Variants in IVD observed in about 807,000 individuals in gnomAD.
IVD encodes isovaleryl-CoA dehydrogenase, mitochondrial.
In IVD, 31 loss-of-function variants were observed where a neutral mutation model predicts 51.3. That is an observed-to-expected ratio of 0.60 (90% CI 0.45 to 0.81). IVD has a LOEUF of 0.81. Ranked by LOEUF, IVD falls within the 40% of genes least tolerant of loss-of-function variation. The pLI is 0.00. For synonymous variants in IVD, 205 were observed against 219.4 expected, an observed-to-expected ratio of 0.93 and a Z score of 0.58; for missense variants, 475 against 552.0, an observed-to-expected ratio of 0.86 and a Z score of 1.40.
rs375709475 is a variant in IVD, at chr15:40,418,176, A to G, written c.1185A>G (p.Arg395=). ...ACTTTCCCATGGGCCGCTTTCTTCG[A>G]GATGCCAAGCTGTATGAGATAGGGG... ...INDFPMGRFL[R]DAKLYEIGAG... Residue 395 remains arginine (R), a synonymous_variant, in exon 12 of 12, where the codon CGA becomes CGG. Coordinates refer to ENST00000487418, the MANE Select transcript of IVD (RefSeq NM_002225.5). 5.6e-6 allele frequency: 9 copies of G among 1,614,048 alleles called. No homozygotes were observed. Among genetic ancestry groups the G allele is most frequent in the Non-Finnish European group, 7.6e-6 (9 of 1,180,040 alleles).
chr15:40,423,613 C>A (rs529056008), downstream of IVD, among the ~76,000 whole-genome samples: 32 of 152,266 alleles, frequency 2.1e-4, no homozygotes, highest in Non-Finnish European at 4.4e-4. Context: ...AGGTGCACAC[C>A]ACCATGCCCG....
chr15:40,421,566 C>A (rs1049445023), downstream of IVD, among the ~76,000 whole-genome samples: 4 of 152,142 alleles, frequency 2.6e-5, no homozygotes, highest in African/African-American at 9.7e-5. Flanking sequence ...CTGAGCACAC[C>A]CCTTATCAAA....
At chr15:40,415,348 C>A in intron 8 of IVD, 53 bp from the exon 9 acceptor site, 1 of 1,494,806 alleles carries the variant, frequency 6.7e-7, no homozygotes, top group Non-Finnish European at 9.3e-7. Context: ...TTTGCCACCA[C>A]ACCCGGTGGT....
intron 9 of IVD, 147 bp from the exon 10 acceptor site, chr15:40,415,931 C>T (rs1891620626): frequency 9.4e-6 from 7 of 747,362 alleles, no homozygotes; most frequent in African/African-American, 3.4e-5. Context: ...CACACCTGCC[C>T]CCATCTCCAT....
Position 40,418,400 on chromosome 15 carries a change from G to A in IVD, c.*137G>A. 6.4e-7 allele frequency: 1 copy of A among 1,572,806 alleles called. No homozygotes were observed. The highest frequency in any genetic ancestry group is 1.8e-5 in the Admixed American group (1 of 56,322). On this transcript the variant is annotated 3_prime_UTR_variant, in exon 12 of 12. Transcript: ENST00000487418. ...GTCAGCCCTCTGGCCTCTGGATGAG[G>A]TTGAGTTCTCCACAACAGCTCCCAA...
At position 40,435,452 on chromosome 15, in the gene IVD, G is replaced by T; in HGVS notation, c.817G>T (p.Glu273Ter). The change falls in exon 9 of 9, where the codon GAG becomes TAG. Residue 273 changes from glutamate (E) to a stop codon, truncating the protein, a stop_gained. Coordinates refer to the IVD transcript ENST00000473112. LOFTEE classifies it low-confidence loss of function (END_TRUNC). The stretch of plus-strand genomic sequence containing the variant: ...TTCCGCCCAACACCCACCTGGGAGG[G>T]AGGGCGAGACCCGAGGTCAGACGTC... The T allele has an allele frequency of 8.1e-7, 1 of 1,239,220 alleles. No individual in the cohort carries two copies. Among genetic ancestry groups the T allele is most frequent in the Non-Finnish European group, 1.0e-6 (1 of 957,702 alleles). The allele number at this position is 1,239,220 out of a possible 1,614,324, so 76.8% of individuals were successfully genotyped here.
chr15:40,421,011 T>C lies in IVD; in HGVS notation c.*2748T>C. ...GCCTGAGGCTTGAGACAGGTGGGGTTGGCTCCTCACCAACCCCAGTTCCGT... is the reference window on the plus strand; with the variant it reads ...GCCTGAGGCTTGAGACAGGTGGGGTCGGCTCCTCACCAACCCCAGTTCCGT... On this transcript the variant is annotated 3_prime_UTR_variant, in exon 12 of 12. Transcript: ENST00000487418. 4 of 985,516 alleles carry C rather than the reference T, an allele frequency of 4.1e-6. No individual in the cohort carries two copies. Among genetic ancestry groups the C allele is most frequent in the Non-Finnish European group, 4.8e-6 (4 of 829,972 alleles). 61.0% of individuals were successfully genotyped at this position (985,516 alleles called of 1,614,324 possible).
Position 40,416,455 on chromosome 15 carries a change from C to T in IVD, c.1138+93C>T, listed in dbSNP as rs370177986. 3,351 of 1,148,782 alleles carry T rather than the reference C, an allele frequency of 2.9e-3. 12 individuals are homozygous for T. The highest frequency in any genetic ancestry group is 0.012 in the Middle Eastern group (42 of 3,580). The allele number at this position is 1,148,782 out of a possible 1,614,324, so 71.2% of individuals were successfully genotyped here. On this transcript the variant is annotated intron_variant, in intron 11 of 11. Coordinates refer to ENST00000487418, the MANE Select transcript of IVD (RefSeq NM_002225.5). ...CAGTTTCAGGGCGGGCGTGGTGGCT[C>T]ACACCTATAATCCCAGCACTTTGGG...
chr15:40,427,066 A>AG (rs1481051777), downstream of IVD, among the ~76,000 whole-genome samples: 1 of 152,218 alleles, frequency 6.6e-6, no homozygotes, highest in Non-Finnish European at 1.5e-5. Flanking sequence ...ATTTTCTTGA[A>AG]GAAAAAAAGG....
downstream of IVD, among the ~76,000 whole-genome samples, chr15:40,422,585 C>CTTT (rs1157351420): frequency 4.4e-3 from 307 of 69,104 alleles, 26 homozygotes; most frequent in Middle Eastern, 0.01. Context: ...GCCCGGCCGA[C>CTTT]TTTTTTTTTT....
rs556311379 is a variant in IVD at position 40,421,240 on chromosome 15, T to C, written c.*2977T>C. On this transcript the variant is annotated 3_prime_UTR_variant, in exon 12 of 12. Transcript: ENST00000487418. ...AGCCCTGTCGACTTGGGGAGGTGAT[T>C]TCTTTCCTGGTTCTATATGTGAAGC... The C allele has an allele frequency of 1.0e-6, 1 of 985,460 alleles. No homozygotes were observed. The highest frequency in any genetic ancestry group is 1.7e-5 in the African/African-American group (1 of 57,370). 61.0% of individuals were successfully genotyped at this position (985,460 alleles called of 1,614,324 possible). A position where few individuals can be genotyped will look rare whatever the true frequency, so the allele number is the denominator to read the frequency against.
rs528412874 is a variant in IVD, at chr15:40,406,669, G to T, written c.144+698G>T. Reference sequence around the variant, plus strand: ...GAAGACGAAGTAGTATTTACAAATGGAGCAGAACCAGAGTCCTTCCTGAGG... The same window carrying T: ...GAAGACGAAGTAGTATTTACAAATGTAGCAGAACCAGAGTCCTTCCTGAGG... On this transcript the variant is annotated intron_variant, in intron 1 of 11. Transcript: ENST00000487418. 6.0e-4 allele frequency among the ~76,000 whole-genome samples: 92 copies of T among 152,234 alleles called. 1 individual carries two copies. The highest frequency in any genetic ancestry group is 2.2e-3 in the African/African-American group (91 of 41,540).
At position 40,421,017 on chromosome 15, in the gene IVD, C is replaced by T. The variant is rs770401939; in HGVS notation, c.*2754C>T. 2.4e-5 allele frequency: 24 copies of T among 985,308 alleles called. No individual in the cohort carries two copies. The highest frequency in any genetic ancestry group is 3.5e-5 in the African/African-American group (2 of 57,252). The allele number at this position is 985,308 out of a possible 1,614,324, so 61.0% of individuals were successfully genotyped here. A position where few individuals can be genotyped will look rare whatever the true frequency, so the allele number is the denominator to read the frequency against. The stretch of plus-strand genomic sequence containing the variant: ...GGCTTGAGACAGGTGGGGTTGGCTC[C>T]TCACCAACCCCAGTTCCGTCCCATC... On this transcript the variant is annotated 3_prime_UTR_variant, in exon 12 of 12. Transcript: ENST00000487418.
At position 40,411,586 on chromosome 15, in the gene IVD, C is replaced by T. The variant is rs1388614154; in HGVS notation, c.582C>T (p.Phe194=). ...ACTACATCCTGAATGGCAACAAGTT[C>T]TGGATCACTAATGGCCCTGATGCTG... ...GNHYILNGNK[F]WITNGPDADV... Residue 194 remains phenylalanine, a synonymous_variant, in exon 6 of 12, where the codon TTC becomes TTT. Coordinates refer to ENST00000487418, the MANE Select transcript of IVD (RefSeq NM_002225.5). The T allele has an allele frequency of 6.2e-7, 1 of 1,614,236 alleles. No individual in the cohort carries two copies. The highest frequency in any genetic ancestry group is 2.2e-5 in the East Asian group (1 of 44,888).
intron 6 of IVD, 66 bp from the exon 7 acceptor site, chr15:40,412,925 C>A: frequency 7.6e-7 from 1 of 1,307,824 alleles, no homozygotes; most frequent in Non-Finnish European, 1.1e-6. Flanking sequence ...TTCCCAGAGG[C>A]CTTTCCTTTA....
rs1595807691 is a variant in IVD at position 40,421,005 on chromosome 15, T to C, written c.*2742T>C. 1 of 985,440 alleles carries C rather than the reference T, an allele frequency of 1.0e-6. No individual in the cohort carries two copies. The highest frequency in any genetic ancestry group is 5.2e-4 in the Middle Eastern group (1 of 1,914). The allele number at this position is 985,440 out of a possible 1,614,324, so 61.0% of individuals were successfully genotyped here. On this transcript the variant is annotated 3_prime_UTR_variant, in exon 12 of 12. Transcript: ENST00000487418. ...TTCCTAGCCTGAGGCTTGAGACAGG[T>C]GGGGTTGGCTCCTCACCAACCCCAG...
At chr15:40,433,340 G>A (rs1453918071) in intron 7 of IVD, among the ~76,000 whole-genome samples, 2 of 152,144 alleles carry the variant, frequency 1.3e-5, no homozygotes, top group East Asian at 1.9e-4. Flanking sequence ...ATAAAGAAAC[G>A]TATGTTGAGT....
In IVD at chr15:40,416,300, G is replaced by C. The variant is rs1435678329; in HGVS notation, c.1076G>C (p.Gly359Ala). The change falls in exon 11 of 12, where the codon GGT (glycine) becomes GCT (alanine). Residue 359 changes from glycine to alanine, a missense_variant. By Grantham distance (60) the Gly-to-Ala change is moderately conservative. Coordinates refer to ENST00000487418, the MANE Select transcript of IVD (RefSeq NM_002225.5). ...AGCTTCCTCCCGTAGGACTGTGCAG[G>C]TGTGATTCTTTACTCAGCTGAGTGT... ...EGHCTAKDCA[G>A]VILYSAECAT... 1.2e-6 allele frequency: 2 copies of C among 1,614,134 alleles called. No individual in the cohort carries two copies. The highest frequency in any genetic ancestry group is 8.5e-7 in the Non-Finnish European group (1 of 1,180,052).
chr15:40,435,564 C>G, downstream of IVD: 1 of 1,157,744 alleles, frequency 8.6e-7, no homozygotes. Flanking sequence ...CCCCAACTCG[C>G]CTCTTGGATC....
Sources: gnomAD v4.1 joint callset for allele counts (sites outside exome capture counted in the v4.1 genomes callset) on GRCh38, gnomAD v4.1.1 for gene constraint, MANE v1.5 for transcripts, NCBI Gene and HGNC (gene_info 2026-07-23, HGNC 2026-07-21) for gene names.